Variants in FNDC3A observed in about 807,000 individuals in gnomAD.
FNDC3A encodes fibronectin type III domain containing 3A, also known as fibronectin type-III domain-containing protein 3A.
Under a neutral mutation model 148.9 loss-of-function variants are expected in FNDC3A, and 32 were observed. The ratio of observed to expected loss-of-function variants is 0.21; its 90% CI spans 0.16 to 0.29. The LOEUF (loss-of-function observed/expected upper bound fraction) is 0.29. Ranked by LOEUF, FNDC3A falls within the 10% of genes least tolerant of loss-of-function variation. FNDC3A has a pLI of 1.00. For synonymous variants in FNDC3A, 472 were observed against 473.6 expected, an observed-to-expected ratio of 1.00 and a Z score of 0.04; for missense variants, 1,191 against 1,452.8, an observed-to-expected ratio of 0.82 and a Z score of 2.93.
At position 49,039,723 on chromosome 13, in the gene FNDC3A, G is replaced by GTTTTTT. The variant is rs1459886949; in HGVS notation, c.99+33435_99+33440dup. On this transcript the variant is annotated intron_variant, in intron 2 of 25. Coordinates refer to ENST00000492622, the MANE Select transcript of FNDC3A (RefSeq NM_001079673.2). ...TTTCTGTTTTTGTTTTTTGTTTTTT[G>GTTTTTT]TTTTTTCTGAGACGGAGTTTCGCTC... 2.0e-5 allele frequency among the ~76,000 whole-genome samples: 3 copies of GTTTTTT among 151,592 alleles called. No homozygotes were observed. The East Asian group carries it at 5.8e-4, about 29-fold the overall frequency.
intron 1 of FNDC3A, chr13:48,976,909 A>C (rs995102734): frequency 6.6e-6 from 1 of 152,216 alleles, no homozygotes; most frequent in African/African-American, 2.4e-5. Context: ...AAACGACGTC[A>C]TGTGTTAGGT....
Position 49,167,241 on chromosome 13 carries a change from C to T in FNDC3A, c.978-3C>T, listed in dbSNP as rs1884517693. 1 of 1,588,892 alleles carries T rather than the reference C, an allele frequency of 6.3e-7. No individual in the cohort carries two copies. Among genetic ancestry groups the T allele is most frequent in the African/African-American group, 1.4e-5 (1 of 73,986 alleles). On this transcript the variant is annotated splice_region_variant and splice_polypyrimidine_tract_variant and intron_variant, in intron 8 of 25. Coordinates refer to ENST00000492622, the MANE Select transcript of FNDC3A (RefSeq NM_001079673.2). ...ACATGATATATTACCCTTTTTTCCCCAGAGGAGAAGAAACAAATATCACTT... is the reference window on the plus strand; with the variant it reads ...ACATGATATATTACCCTTTTTTCCCTAGAGGAGAAGAAACAAATATCACTT...
At chr13:49,054,605 G>A (rs961139928) in intron 2 of FNDC3A, among the ~76,000 whole-genome samples, 1 of 152,226 alleles carries the variant, frequency 6.6e-6, no homozygotes, top group African/African-American at 2.4e-5. Context: ...GGGATGGGCA[G>A]TCTGGAAGGA....
chr13:48,997,456 A>G (rs1330116835), intron 1 of FNDC3A, among the ~76,000 whole-genome samples: 1 of 152,216 alleles, frequency 6.6e-6, no homozygotes, highest in African/African-American at 2.4e-5. Context: ...CTCAAAATTC[A>G]TACATTGAGC....
chr13:49,144,016 A>ACTG lies in FNDC3A; in HGVS notation c.820-1760_820-1759insGCT, dbSNP rs1434713109. Among the ~76,000 whole-genome samples, 111 of 145,586 alleles carry ACTG rather than the reference A, an allele frequency of 7.6e-4. 1 individual carries two copies. Among genetic ancestry groups the ACTG allele is most frequent in the East Asian group, 2.0e-3 (10 of 5,108 alleles). On this transcript the variant is annotated intron_variant, in intron 7 of 25. Transcript: ENST00000492622. Reference sequence around the variant, plus strand: ...TACTACTACTACTACTACTACTGCTACTACTACTACTACTACTAATAATAA... The same window carrying ACTG: ...TACTACTACTACTACTACTACTGCTACTGCTACTACTACTACTACTAATAATAA...
intron 14 of FNDC3A, among the ~76,000 whole-genome samples, chr13:49,184,437 G>A (rs574088025): frequency 5.3e-5 from 8 of 152,318 alleles, no homozygotes; most frequent in South Asian, 2.1e-4. Context: ...TAAAGTGGTC[G>A]TAGTTGTAGA....
chr13:49,139,347 A>G (rs1490248119), intron 7 of FNDC3A, among the ~76,000 whole-genome samples: 1 of 152,216 alleles, frequency 6.6e-6, no homozygotes, highest in Non-Finnish European at 1.5e-5. Context: ...TTTTTCAGCC[A>G]GAATAAGGCA....
At chr13:49,147,139 A>G (rs1015596210) in intron 8 of FNDC3A, among the ~76,000 whole-genome samples, 1 of 152,228 alleles carries the variant, frequency 6.6e-6, no homozygotes, top group African/African-American at 2.4e-5. Context: ...CTTAAGAGAG[A>G]CAAGTAAACC....
chr13:49,177,129 G>C (rs1885070019), intron 13 of FNDC3A, among the ~76,000 whole-genome samples: 1 of 152,116 alleles, frequency 6.6e-6, no homozygotes, highest in Admixed American at 6.6e-5. Context: ...TGATGTGAAG[G>C]GGGTTTTGTT....
At chr13:49,202,442 A>G (rs1886461432) in intron 24 of FNDC3A, among the ~76,000 whole-genome samples, 1 of 152,138 alleles carries the variant, frequency 6.6e-6, no homozygotes, top group Admixed American at 6.5e-5. Flanking sequence ...TTGTATATAC[A>G]TTTATCTTTT....
chr13:49,202,580 C>G (rs1340237044), intron 24 of FNDC3A, among the ~76,000 whole-genome samples: 1 of 152,172 alleles, frequency 6.6e-6, no homozygotes, highest in Non-Finnish European at 1.5e-5. Context: ...TATCCTAGAT[C>G]ATGTACTTAA....
At chr13:49,034,150 A>C (rs1313831957) in intron 2 of FNDC3A, among the ~76,000 whole-genome samples, 1 of 152,056 alleles carries the variant, frequency 6.6e-6, no homozygotes, top group Admixed American at 6.5e-5. Flanking sequence ...TATAATTTGA[A>C]TATAGAATTT....
chr13:49,071,020 G>T (rs559058084), intron 2 of FNDC3A, among the ~76,000 whole-genome samples: 18 of 142,124 alleles, frequency 1.3e-4, no homozygotes, highest in African/African-American at 4.5e-4. Flanking sequence ...TGCCTCAGCC[G>T]CCCAAGTAGC....
chr13:49,173,927 C>G (rs1455755049), intron 11 of FNDC3A, among the ~76,000 whole-genome samples: 1 of 152,146 alleles, frequency 6.6e-6, no homozygotes, highest in East Asian at 1.9e-4. Context: ...GGGCTGTGCT[C>G]TCTGCTAGAA....
chr13:49,196,527 C>T (rs1259185160), intron 19 of FNDC3A, among the ~76,000 whole-genome samples: 2 of 152,102 alleles, frequency 1.3e-5, no homozygotes, highest in Admixed American at 1.3e-4. Context: ...TTACACCTAC[C>T]ATCTCCCGTA....
intron 8 of FNDC3A, among the ~76,000 whole-genome samples, chr13:49,147,473 A>G (rs897161682): frequency 1.3e-5 from 2 of 152,126 alleles, no homozygotes; most frequent in Admixed American, 6.6e-5. Flanking sequence ...GAAGTCCATA[A>G]AGTGGAGAGG....
intron 12 of FNDC3A, 108 bp from the exon 13 acceptor site, chr13:49,175,259 T>C: frequency 3.2e-6 from 2 of 634,010 alleles, no homozygotes. Flanking sequence ...GTATTATAAT[T>C]CATTATCAAA....
intron 2 of FNDC3A, among the ~76,000 whole-genome samples, chr13:49,065,478 C>T (rs1877204660): frequency 6.6e-6 from 1 of 152,188 alleles, no homozygotes; most frequent in Non-Finnish European, 1.5e-5. Context: ...TATTGCCACT[C>T]TTCCATTAGA....
chr13:49,117,944 C>T (rs1197873204), intron 4 of FNDC3A, among the ~76,000 whole-genome samples: 1 of 152,080 alleles, frequency 6.6e-6, no homozygotes, highest in Non-Finnish European at 1.5e-5. Flanking sequence ...CTTGTGGTAA[C>T]TCAAATGTAG....
Sources: allele counts gnomAD v4.1 joint callset (sites outside exome capture counted in the v4.1 genomes callset), GRCh38; gene constraint gnomAD v4.1.1; transcripts MANE v1.5; gene names NCBI Gene and HGNC (gene_info 2026-07-23, HGNC 2026-07-21).